The following MICAL2 variants were observed in gnomAD, a reference collection of about 807,000 sequenced individuals.
MICAL2 encodes the protein [F-actin]-monooxygenase MICAL2.
In MICAL2, 77 loss-of-function variants were observed where a neutral mutation model predicts 127.3. The ratio of observed to expected loss-of-function variants is 0.60; its 90% CI spans 0.50 to 0.73. The LOEUF is 0.73. MICAL2 is among the 30% of genes least tolerant of loss of function. MICAL2 has a pLI of 0.00. For missense variants in MICAL2, 1,351 were observed against 1,434.4 expected (o/e 0.94, Z 0.94); for synonymous variants, 570 against 551.1 (o/e 1.03, Z -0.48).
In MICAL2 at chr11:12,235,952, G is replaced by A. The variant is rs193171548; in HGVS notation, c.1996-225G>A. Among the ~76,000 whole-genome samples the A allele has an allele frequency of 2.6e-5, 4 of 152,342 alleles. No individual in the cohort carries two copies. The East Asian group carries it at 7.7e-4, about 29-fold the overall frequency. ...TTCTGACGAAGCCTTGGCTCCCTAG[G>A]TGGAGTGAGGTTCTCTCCGCTGTGC... is the stretch of plus-strand genomic sequence containing the variant. On this transcript the variant is annotated intron_variant, in intron 15 of 27. Coordinates refer to ENST00000683283, the MANE Select transcript of MICAL2 (RefSeq NM_001282663.2).
intron 30 of MICAL2, chr11:12,319,937 G>A (rs1864274096): frequency 1.5e-6 from 1 of 670,792 alleles, no homozygotes; most frequent in Admixed American, 2.6e-5. Flanking sequence ...CATTGCATCT[G>A]ACAGAGTGCT....
At chr11:12,209,187 T>C (rs924748467) in intron 5 of MICAL2, among the ~76,000 whole-genome samples, 4 of 152,216 alleles carry the variant, frequency 2.6e-5, no homozygotes, top group Non-Finnish European at 5.9e-5. Flanking sequence ...GTGGACTTTG[T>C]TGAGAATGAT....
intron 31 of MICAL2, among the ~76,000 whole-genome samples, chr11:12,324,543 A>G (rs963718979): frequency 3.9e-5 from 6 of 152,188 alleles, no homozygotes; most frequent in African/African-American, 1.2e-4. Context: ...CTGATTGCTT[A>G]CTTCAAACAC....
chr11:12,305,247 G>A (rs752803133), intron 29 of MICAL2, among the ~76,000 whole-genome samples: 41 of 152,302 alleles, frequency 2.7e-4, no homozygotes, highest in African/African-American at 3.8e-4. Context: ...GGAGGCAGGC[G>A]CATCTTACAT....
At chr11:12,216,774 ACT>A (rs1365891328) in intron 8 of MICAL2, among the ~76,000 whole-genome samples, 2 of 152,024 alleles carry the variant, frequency 1.3e-5, no homozygotes, top group African/African-American at 4.8e-5. Flanking sequence ...CTGCATCTTG[ACT>A]CTGCCACATA....
At chr11:12,346,609 T>A (rs1221431827) in intron 32 of MICAL2, among the ~76,000 whole-genome samples, 1 of 152,246 alleles carries the variant, frequency 6.6e-6, no homozygotes, top group Non-Finnish European at 1.5e-5. Flanking sequence ...GTGCACCTGC[T>A]GTCTCCTCTC....
At chr11:12,227,510 G>A (rs1400592209) in intron 15 of MICAL2, among the ~76,000 whole-genome samples, 2 of 152,172 alleles carry the variant, frequency 1.3e-5, no homozygotes, top group African/African-American at 2.4e-5. Context: ...AGAAGTGCAT[G>A]GTGATGATGC....
intron 3 of MICAL2, among the ~76,000 whole-genome samples, chr11:12,166,411 C>A (rs1204909536): frequency 6.6e-6 from 1 of 152,210 alleles, no homozygotes; most frequent in Non-Finnish European, 1.5e-5. Context: ...GTGGTTCTTA[C>A]TTGAGCTTTA....
chr11:12,255,763 AC>A lies in MICAL2; in HGVS notation c.2955+18del. ...CTCTCCAGACCTGGTAAGGACATGC[AC>A]CCCCAGCCTTCACCCACAGACACTG... On this transcript the variant is annotated intron_variant, in intron 23 of 27. Coordinates refer to ENST00000683283, the MANE Select transcript of MICAL2 (RefSeq NM_001282663.2). 6.2e-7 allele frequency: 1 copy of A among 1,601,190 alleles called. No homozygotes were observed. The highest frequency in any genetic ancestry group is 8.5e-7 in the Non-Finnish European group (1 of 1,171,778).
At chr11:12,214,894 A>G (rs1855953906) in intron 7 of MICAL2, among the ~76,000 whole-genome samples, 2 of 152,236 alleles carry the variant, frequency 1.3e-5, no homozygotes, top group Non-Finnish European at 2.9e-5. Context: ...ACTGTTACAG[A>G]TAACACTGCT....
chr11:12,126,321 C>A (rs1850917730), intron 1 of MICAL2, among the ~76,000 whole-genome samples: 1 of 152,176 alleles, frequency 6.6e-6, no homozygotes, highest in African/African-American at 2.4e-5. Flanking sequence ...TCTGGGTTTG[C>A]CTGGAAGAAG....
At chr11:12,352,827 C>T (rs557850255) in intron 33 of MICAL2, among the ~76,000 whole-genome samples, 1 of 152,242 alleles carries the variant, frequency 6.6e-6, no homozygotes, top group African/African-American at 2.4e-5. Flanking sequence ...GCAGGAGGAG[C>T]CCCAGATGCA....
At chr11:12,184,260 T>C (rs564081657) in intron 3 of MICAL2, among the ~76,000 whole-genome samples, 137 of 152,356 alleles carry the variant, frequency 9.0e-4, no homozygotes, top group African/African-American at 3.3e-3. Flanking sequence ...ATGATTACTG[T>C]TTGTCAGGAC....
chr11:12,131,663 C>T (rs1299218022), intron 1 of MICAL2, among the ~76,000 whole-genome samples: 1 of 152,174 alleles, frequency 6.6e-6, no homozygotes, highest in East Asian at 1.9e-4. Flanking sequence ...CTTTCTCACC[C>T]TCTCTGCTTC....
At chr11:12,142,758 C>T (rs989533928) in intron 2 of MICAL2, among the ~76,000 whole-genome samples, 1 of 152,210 alleles carries the variant, frequency 6.6e-6, no homozygotes, top group East Asian at 1.9e-4. Flanking sequence ...ACCTGTTGTA[C>T]TGAGGAGAAA....
chr11:12,193,689 G>A (rs545420038), intron 3 of MICAL2, among the ~76,000 whole-genome samples: 1 of 152,344 alleles, frequency 6.6e-6, no homozygotes, highest in Non-Finnish European at 1.5e-5. Context: ...GCTGTGTGAA[G>A]CCAGGCAGGT....
intron 33 of MICAL2, among the ~76,000 whole-genome samples, chr11:12,354,570 G>A (rs558769229): frequency 4.6e-5 from 7 of 152,142 alleles, no homozygotes; most frequent in East Asian, 3.9e-4. Flanking sequence ...CCTGGGGGGC[G>A]AAGGTTGCAG....
chr11:12,259,570 CA>C (rs1256958545), intron 25 of MICAL2: 1 of 433,822 alleles, frequency 2.3e-6, no homozygotes, highest in Non-Finnish European at 4.1e-6. Context: ...GATTGCCGAT[CA>C]AAAGGCATGC....
chr11:12,345,061 G>A (rs1035269982), intron 32 of MICAL2, among the ~76,000 whole-genome samples: 2 of 150,614 alleles, frequency 1.3e-5, no homozygotes, highest in African/African-American at 4.9e-5. Flanking sequence ...GCAGTGAGCC[G>A]AGATTGCGCC....
Sources: gnomAD v4.1 joint callset for allele counts (sites outside exome capture counted in the v4.1 genomes callset) on GRCh38, gnomAD v4.1.1 for gene constraint, MANE v1.5 for transcripts, NCBI Gene and HGNC (gene_info 2026-07-23, HGNC 2026-07-21) for gene names.